The following FSTL4 variants were observed in gnomAD, a reference collection of about 807,000 sequenced individuals.
FSTL4 encodes the protein follistatin-related protein 4.
Under a neutral mutation model 78.2 loss-of-function variants are expected in FSTL4, and 28 were observed. The ratio of observed to expected loss-of-function variants is 0.36; its 90% CI spans 0.27 to 0.49. The LOEUF (loss-of-function observed/expected upper bound fraction) is 0.49, where lower values mean the gene tolerates loss of function less well. Ranked by LOEUF, FSTL4 falls within the 20% of genes least tolerant of loss-of-function variation. The probability of loss-of-function intolerance (pLI) is 0.98; values close to 1 mark genes in which losing one functional copy is unlikely to be tolerated. For missense variants in FSTL4, 922 were observed against 1,084.9 expected, an observed-to-expected ratio of 0.85 and a Z score of 2.11; for synonymous variants, 422 against 440.5, an observed-to-expected ratio of 0.96 and a Z score of 0.53.
At chr5:133,310,321 G>A (rs1465224427) in intron 6 of FSTL4, among the ~76,000 whole-genome samples, 2 of 152,210 alleles carry the variant, frequency 1.3e-5, no homozygotes, top group African/African-American at 4.8e-5. Context: ...TGATTATAAA[G>A]CTTTCCAAAT....
At chr5:133,817,001 T>C in the FSTL4 span, among the ~76,000 whole-genome samples, 1 of 152,132 alleles carries the variant, frequency 6.6e-6, no homozygotes, top group Non-Finnish European at 1.5e-5. Flanking sequence ...TGCCCACAGA[T>C]ACCCAGGCCC....
chr5:133,347,189 G>A (rs963911332), intron 4 of FSTL4, among the ~76,000 whole-genome samples: 4 of 152,194 alleles, frequency 2.6e-5, no homozygotes, highest in East Asian at 1.9e-4. Flanking sequence ...AGTAGACACC[G>A]GTGTGCATTG....
chr5:133,566,261 A>C (rs1330150351), intron 3 of FSTL4, among the ~76,000 whole-genome samples: 1 of 152,228 alleles, frequency 6.6e-6, no homozygotes, highest in Non-Finnish European at 1.5e-5. Flanking sequence ...ATATCCATGT[A>C]TCAAAGCATG....
At chr5:133,247,933 G>A (rs888252337) in intron 7 of FSTL4, 1 of 152,278 alleles carries the variant, frequency 6.6e-6, no homozygotes, top group African/African-American at 2.4e-5. Flanking sequence ...TAGAGAGTAG[G>A]AGAGGACTAA....
intron 3 of FSTL4, among the ~76,000 whole-genome samples, chr5:133,482,312 C>T (rs898778910): frequency 4.6e-5 from 7 of 152,132 alleles, no homozygotes; most frequent in Non-Finnish European, 8.8e-5. Context: ...CTGGCTGGCA[C>T]TACCCTAGCA....
At chr5:133,625,023 CT>C in the FSTL4 span, among the ~76,000 whole-genome samples, 1 of 151,476 alleles carries the variant, frequency 6.6e-6, no homozygotes, top group South Asian at 2.1e-4. Context: ...GTATTCTCTG[CT>C]AATATTTCCA....
intron 4 of FSTL4, among the ~76,000 whole-genome samples, chr5:133,390,002 C>T (rs113950872): frequency 1.3e-5 from 2 of 152,194 alleles, no homozygotes; most frequent in African/African-American, 4.8e-5. Context: ...GAGGCATTTG[C>T]TGGACCACTG....
At chr5:133,409,837 G>A (rs1756443009) in intron 3 of FSTL4, among the ~76,000 whole-genome samples, 1 of 152,144 alleles carries the variant, frequency 6.6e-6, no homozygotes. Flanking sequence ...AAAGAGTGGA[G>A]ACTGTAGAAA....
the FSTL4 span, among the ~76,000 whole-genome samples, chr5:133,820,594 T>C: frequency 3.3e-5 from 5 of 152,330 alleles, no homozygotes; most frequent in African/African-American, 1.2e-4. Context: ...TGCTATCCTC[T>C]GTACAACAGA....
intron 3 of FSTL4, among the ~76,000 whole-genome samples, chr5:133,501,939 G>T (rs761827240): frequency 1.1e-4 from 16 of 152,236 alleles, no homozygotes; most frequent in Non-Finnish European, 1.9e-4. Flanking sequence ...AGAGGAGAAC[G>T]CAGACACACA....
At position 133,266,956 on chromosome 5, in the gene FSTL4, G is replaced by A. The variant is rs575613903; in HGVS notation, c.728-17380C>T. On this transcript the variant is annotated intron_variant, in intron 6 of 15. Coordinates refer to ENST00000265342, the MANE Select transcript of FSTL4 (RefSeq NM_015082.2). ...GGAACCAGAAAAGGATGTGCACGTC[G>A]CTGCCCCCAGTGCCTTCTAAGAGCA... 5.3e-5 allele frequency among the ~76,000 whole-genome samples: 8 copies of A among 152,310 alleles called. No homozygotes were observed. In the East Asian group the frequency reaches 5.8e-4, roughly 11 times the overall value.
intron 3 of FSTL4, among the ~76,000 whole-genome samples, chr5:133,493,393 T>C (rs552640454): frequency 1.3e-5 from 2 of 152,328 alleles, no homozygotes; most frequent in East Asian, 3.9e-4. Flanking sequence ...TTAAGTTTAT[T>C]TCTAGGTTTA....
At chr5:133,349,293 C>CTG (rs1297491221) in intron 4 of FSTL4, among the ~76,000 whole-genome samples, 246 of 99,298 alleles carry the variant, frequency 2.5e-3, no homozygotes, top group African/African-American at 7.9e-3. Context: ...AAGCCTCTCT[C>CTG]TCTGTGTGTG....
At chr5:133,654,676 A>G in the FSTL4 span, among the ~76,000 whole-genome samples, 1 of 152,286 alleles carries the variant, frequency 6.6e-6, no homozygotes, top group South Asian at 2.1e-4. Context: ...TTGGCCTTCA[A>G]GGACTCCCAG....
chr5:133,204,235 G>C (rs544791244), intron 14 of FSTL4, among the ~76,000 whole-genome samples: 9 of 152,304 alleles, frequency 5.9e-5, no homozygotes, highest in Admixed American at 5.2e-4. Context: ...GTGCTGGGCA[G>C]CATTGGAAAA....
intron 4 of FSTL4, among the ~76,000 whole-genome samples, chr5:133,347,150 T>C (rs1754713323): frequency 6.6e-6 from 1 of 152,156 alleles, no homozygotes; most frequent in Non-Finnish European, 1.5e-5. Flanking sequence ...GTCTGCTGCA[T>C]TGTGCATGAT....
intron 4 of FSTL4, among the ~76,000 whole-genome samples, chr5:133,336,362 C>T (rs976136752): frequency 1.3e-5 from 2 of 152,224 alleles, no homozygotes; most frequent in Non-Finnish European, 2.9e-5. Context: ...GGGCGAGGCT[C>T]GAGCCCTGCT....
chr5:133,649,284 T>C, the FSTL4 span, among the ~76,000 whole-genome samples: 2 of 152,242 alleles, frequency 1.3e-5, no homozygotes, highest in African/African-American at 4.8e-5. Flanking sequence ...TCTTGGTTGC[T>C]TCCAAGTTTT....
the FSTL4 span, among the ~76,000 whole-genome samples, chr5:133,666,589 A>AG: frequency 2.0e-5 from 3 of 151,950 alleles, no homozygotes; most frequent in South Asian, 6.2e-4. Context: ...TAAAAAAAAA[A>AG]AAAAAGTCTG....
Sources: gnomAD v4.1 joint callset for allele counts (sites outside exome capture counted in the v4.1 genomes callset) on GRCh38, gnomAD v4.1.1 for gene constraint, MANE v1.5 for transcripts, NCBI Gene and HGNC (gene_info 2026-07-23, HGNC 2026-07-21) for gene names.